Variants in SPATA9 observed in about 807,000 individuals in gnomAD.
SPATA9 encodes the protein spermatogenesis associated 9.
In SPATA9, 27 loss-of-function variants were observed where a neutral mutation model predicts 25.5. The ratio of observed to expected loss-of-function variants is 1.06; its 90% CI spans 0.78 to 1.46. The LOEUF is 1.46. Among genes scored for constraint, SPATA9 ranks in the 40% most tolerant of loss-of-function variants. The probability of loss-of-function intolerance (pLI) is 0.00; values close to 1 mark genes in which losing one functional copy is unlikely to be tolerated. For synonymous variants in SPATA9, 102 were observed against 105.7 expected, an observed-to-expected ratio of 0.97 and a Z score of 0.21; for missense variants, 282 against 297.5, an observed-to-expected ratio of 0.95 and a Z score of 0.38.
the SPATA9 span, among the ~76,000 whole-genome samples, chr5:95,711,338 C>T: frequency 6.6e-6 from 1 of 152,154 alleles, no homozygotes; most frequent in African/African-American, 2.4e-5. Context: ...TTAAAAGGAG[C>T]GGTTGGCAGT....
intron 1 of SPATA9, among the ~76,000 whole-genome samples, chr5:95,691,129 C>T (rs879610184): frequency 6.0e-5 from 9 of 151,240 alleles, no homozygotes; most frequent in East Asian, 1.9e-4. Context: ...GGCAGGAGAA[C>T]GGCGTGAACC....
At chr5:95,669,004 G>A (rs1281953151) in intron 3 of SPATA9, among the ~76,000 whole-genome samples, 1 of 152,204 alleles carries the variant, frequency 6.6e-6, no homozygotes, top group African/African-American at 2.4e-5. Flanking sequence ...GCTACTTATA[G>A]AGAGGTCCAG....
chr5:95,658,531 A>G lies in SPATA9; in HGVS notation c.*92T>C, dbSNP rs1010926898. 7.1e-6 allele frequency: 10 copies of G among 1,399,868 alleles called. No homozygotes were observed. The highest frequency in any genetic ancestry group is 4.6e-5 in the South Asian group (3 of 65,560). The allele number at this position is 1,399,868 out of a possible 1,614,324, so 86.7% of individuals were successfully genotyped here. The stretch of plus-strand genomic sequence containing the variant: ...CTCTTTTTTTTAAGAAAGCAGAGCA[A>G]TTCAGAATATGTAAACTAGACTCTG... On this transcript the variant is annotated 3_prime_UTR_variant, in exon 5 of 5. Coordinates refer to ENST00000274432, the MANE Select transcript of SPATA9 (RefSeq NM_031952.4).
At chr5:95,682,151 T>G (rs1753518643) in intron 2 of SPATA9, among the ~76,000 whole-genome samples, 1 of 152,236 alleles carries the variant, frequency 6.6e-6, no homozygotes, top group Non-Finnish European at 1.5e-5. Context: ...CATGTTGTAT[T>G]TATCTTTCCA....
At chr5:95,716,369 G>C in the SPATA9 span, among the ~76,000 whole-genome samples, 96 of 152,358 alleles carry the variant, frequency 6.3e-4, no homozygotes, top group African/African-American at 2.3e-3. Flanking sequence ...CTGCATGTGA[G>C]ACATGGAGTC....
chr5:95,663,499 T>A (rs1161104797), intron 4 of SPATA9, among the ~76,000 whole-genome samples: 2 of 152,168 alleles, frequency 1.3e-5, no homozygotes, highest in Admixed American at 6.5e-5. Flanking sequence ...ACAGTTTTTT[T>A]AAGTGGCTAT....
the SPATA9 span, among the ~76,000 whole-genome samples, chr5:95,715,840 T>TA: frequency 1.7e-3 from 255 of 152,204 alleles, 9 homozygotes; most frequent in East Asian, 0.04. Flanking sequence ...TAACAAAAAC[T>TA]AAAATCTAGA....
chr5:95,693,079 GT>G (rs1482402842), intron 1 of SPATA9, among the ~76,000 whole-genome samples: 1 of 152,022 alleles, frequency 6.6e-6, no homozygotes, highest in Non-Finnish European at 1.5e-5. Flanking sequence ...TTTCTTCATT[GT>G]TTTTGTATTA....
downstream of SPATA9, chr5:95,652,447 A>G: frequency 7.6e-7 from 1 of 1,319,632 alleles, no homozygotes; most frequent in Non-Finnish European, 1.0e-6. Context: ...GATGTCTCTG[A>G]GATACCTTAA....
intron 1 of SPATA9, among the ~76,000 whole-genome samples, chr5:95,696,297 CTAACAA>C (rs59518952): frequency 0.57 from 85,665 of 151,266 alleles, 24,359 homozygotes; most frequent in East Asian, 0.8. Context: ...TCATTTAAAA[CTAACAA>C]TAACATTTTC....
the SPATA9 span, among the ~76,000 whole-genome samples, chr5:95,716,339 A>C: frequency 6.6e-6 from 1 of 152,256 alleles, no homozygotes; most frequent in Non-Finnish European, 1.5e-5. Flanking sequence ...ATGGGAGCCC[A>C]CCTCTTGCAT....
At chr5:95,723,380 T>C in the SPATA9 span, among the ~76,000 whole-genome samples, 10,174 of 152,170 alleles carry the variant, frequency 0.067, 873 homozygotes, top group African/African-American at 0.2. Flanking sequence ...TAAAAGAAAT[T>C]GACAATTTAG....
At chr5:95,682,404 G>T in intron 2 of SPATA9, 124 bp downstream of exon 2, 2 of 696,980 alleles carry the variant, frequency 2.9e-6, no homozygotes, top group Non-Finnish European at 4.6e-6. Context: ...TTTTTCTGAG[G>T]CAAAATTAGT....
chr5:95,715,100 C>T, the SPATA9 span, among the ~76,000 whole-genome samples: 2 of 152,002 alleles, frequency 1.3e-5, no homozygotes, highest in East Asian at 3.9e-4. Flanking sequence ...CCAAGGCGGG[C>T]AGTTCACGAG....
chr5:95,722,639 G>T, the SPATA9 span, among the ~76,000 whole-genome samples: 1 of 152,096 alleles, frequency 6.6e-6, no homozygotes, highest in South Asian at 2.1e-4. Context: ...ACAGGCTCCC[G>T]CCACCATGCC....
At chr5:95,685,672 G>A (rs1182281684), upstream of SPATA9, among the ~76,000 whole-genome samples, 1 of 152,150 alleles carries the variant, frequency 6.6e-6, no homozygotes, top group East Asian at 1.9e-4. Flanking sequence ...GTCCAACTAA[G>A]TACTAGTAAC....
upstream of SPATA9, among the ~76,000 whole-genome samples, chr5:95,702,550 T>G (rs1206752288): frequency 1.3e-5 from 2 of 152,102 alleles, no homozygotes; most frequent in Non-Finnish European, 2.9e-5. Context: ...TATTCTACAT[T>G]ACCATCTAAG....
At position 95,666,853 on chromosome 5, in the gene SPATA9, C is replaced by G. The variant is rs920180317; in HGVS notation, c.379-2805G>C. Among the ~76,000 whole-genome samples, 3 of 152,150 alleles carry G rather than the reference C, an allele frequency of 2.0e-5. No homozygotes were observed. The East Asian group carries it at 5.8e-4, about 29-fold the overall frequency. On this transcript the variant is annotated intron_variant, in intron 3 of 4. Transcript: ENST00000274432. ...TACTTCAGTATAAAGCTTAAAAATT[C>G]TACATCCCATGTTTTTATGATTAAA...
intron 1 of SPATA9, among the ~76,000 whole-genome samples, chr5:95,688,381 T>C (rs1753799671): frequency 6.6e-6 from 1 of 152,156 alleles, no homozygotes; most frequent in South Asian, 2.1e-4. Context: ...GCCTCCTAAG[T>C]AGCTAACTAC....
Sources: gnomAD v4.1 joint callset for allele counts (sites outside exome capture counted in the v4.1 genomes callset) on GRCh38, gnomAD v4.1.1 for gene constraint, MANE v1.5 for transcripts, NCBI Gene and HGNC (gene_info 2026-07-23, HGNC 2026-07-21) for gene names.